The following CNOT6 variants were observed in gnomAD, a reference collection of about 807,000 sequenced individuals.
CNOT6 encodes CCR4-NOT transcription complex subunit 6.
In CNOT6, 12 loss-of-function variants were observed where a neutral mutation model predicts 61.2. The ratio of observed to expected loss-of-function variants is 0.20; its 90% CI spans 0.13 to 0.32. CNOT6 has a LOEUF of 0.32. Among genes scored for constraint, CNOT6 ranks in the 10% least tolerant of loss-of-function variants. CNOT6 has a pLI of 1.00. For synonymous variants in CNOT6, 225 were observed against 240.6 expected (o/e 0.94, Z 0.60); for missense variants, 405 against 663.9 (o/e 0.61, Z 4.28).
intron 2 of CNOT6, among the ~76,000 whole-genome samples, chr5:180,530,798 G>C (rs1284411674): frequency 6.6e-6 from 1 of 152,156 alleles, no homozygotes; most frequent in African/African-American, 2.4e-5. Context: ...TCAAGCATCT[G>C]TTTAACAAAG....
Position 180,550,170 on chromosome 5 carries a change from A to G in CNOT6, c.299+53A>G, listed in dbSNP as rs556028211. On this transcript the variant is annotated intron_variant, in intron 3 of 11. Coordinates refer to ENST00000261951, the MANE Select transcript of CNOT6 (RefSeq NM_001370472.1). ...AGCTATATGACCCCTAAAACAAAAT[A>G]TAGGCCGGGCGCAGTGGCTTATGCC... is the stretch of plus-strand genomic sequence containing the variant. The G allele has an allele frequency of 2.8e-6, 4 of 1,435,800 alleles. No homozygotes were observed. In the African/African-American group the frequency reaches 4.2e-5, roughly 15 times the overall value. 88.9% of individuals were successfully genotyped at this position (1,435,800 alleles called of 1,614,324 possible).
rs1329562068 is a variant in CNOT6, at chr5:180,553,407, C to T, written c.321C>T (p.Asn107=). Residue 107 remains asparagine, a synonymous_variant, in exon 4 of 12, where the codon AAC becomes AAT. Transcript: ENST00000261951. ...ACAGGGAGCTCCATTTAAATAACAA[C>T]CTGTTACGAGTTCTACCTTTTGAGC... ...VSLRELHLNN[N]LLRVLPFELG... 1.2e-6 allele frequency: 2 copies of T among 1,613,602 alleles called. No individual in the cohort carries two copies. The highest frequency in any genetic ancestry group is 1.3e-5 in the African/African-American group (1 of 74,910).
At chr5:180,544,050 A>G (rs1240532483) in intron 2 of CNOT6, among the ~76,000 whole-genome samples, 3 of 152,036 alleles carry the variant, frequency 2.0e-5, no homozygotes, top group East Asian at 1.9e-4. Context: ...TGACCTCGTG[A>G]TCCACCCGCC....
intron 7 of CNOT6, among the ~76,000 whole-genome samples, chr5:180,566,640 C>CTTTTTTTTT (rs70973940): frequency 4.0e-5 from 3 of 75,592 alleles, no homozygotes; most frequent in Non-Finnish European, 4.8e-5. Context: ...AAAGATGTTA[C>CTTTTTTTTT]TTTTTTTTTT....
intron 1 of CNOT6, among the ~76,000 whole-genome samples, chr5:180,514,105 G>T (rs1467543295): frequency 2.6e-5 from 4 of 152,140 alleles, no homozygotes; most frequent in African/African-American, 9.6e-5. Flanking sequence ...TGGGATTACA[G>T]GTTTGAGCCA....
intron 1 of CNOT6, among the ~76,000 whole-genome samples, chr5:180,510,286 T>C (rs1757333269): frequency 6.6e-6 from 1 of 151,800 alleles, no homozygotes; most frequent in Non-Finnish European, 1.5e-5. Context: ...TACCTCAGCC[T>C]TCCGAGTAGC....
intron 1 of CNOT6, among the ~76,000 whole-genome samples, chr5:180,505,375 C>T (rs1757086811): frequency 7.1e-6 from 1 of 140,342 alleles, no homozygotes; most frequent in Non-Finnish European, 1.5e-5. Flanking sequence ...CCTGCCTCAG[C>T]CTCCCGAGTA....
At position 180,576,093 on chromosome 5, in the gene CNOT6, A is replaced by T. The variant is rs2127772558; in HGVS notation, c.*1893A>T. ...CCAGTTTATAATCAGTACATTGGAA[A>T]GCTGGTATTGATGTAGAACCAGTGC... On this transcript the variant is annotated 3_prime_UTR_variant, in exon 12 of 12. Transcript: ENST00000261951. 6.6e-6 allele frequency: 1 copy of T among 152,602 alleles called. No individual in the cohort carries two copies. The highest frequency in any genetic ancestry group is 2.1e-4 in the South Asian group (1 of 4,816). The allele number at this position is 152,602 out of a possible 1,614,324, so 9.5% of individuals were successfully genotyped here.
chr5:180,569,171 T>C lies in CNOT6; in HGVS notation c.1089T>C (p.His363=), dbSNP rs202095631. 137 of 1,614,148 alleles carry C rather than the reference T, an allele frequency of 8.5e-5. 2 individuals are homozygous for C. The South Asian group carries it at 1.4e-3, about 16-fold the overall frequency. The change falls in exon 10 of 12, where the codon CAT becomes CAC. Residue 363 remains histidine (H), a synonymous_variant. Transcript: ENST00000261951. ...QLILVANAHM[H]WDPEYSDVKL... is the part of the protein sequence containing the mutation. ...TTCTTGTGGCTAACGCCCACATGCA[T>C]TGGGACCCTGAATACTCTGATGTGA... is the stretch of plus-strand genomic sequence containing the variant.
At chr5:180,498,329 A>T (rs545956426) in intron 1 of CNOT6, among the ~76,000 whole-genome samples, 1 of 152,238 alleles carries the variant, frequency 6.6e-6, no homozygotes, top group South Asian at 2.1e-4. Flanking sequence ...AAGACAAATA[A>T]TACTCCGATT....
chr5:180,497,544 C>G (rs1756669083), intron 1 of CNOT6, among the ~76,000 whole-genome samples: 1 of 152,050 alleles, frequency 6.6e-6, no homozygotes, highest in South Asian at 2.1e-4. Context: ...CCTTTAGAAC[C>G]CATTCCCATA....
intron 1 of CNOT6, among the ~76,000 whole-genome samples, chr5:180,515,254 T>TA (rs1420774289): frequency 7.1e-6 from 1 of 140,356 alleles, no homozygotes; most frequent in African/African-American, 2.7e-5. Flanking sequence ...CTCCCATCTC[T>TA]ACAAAAAAAA....
chr5:180,517,674 G>A (rs1367776955), intron 1 of CNOT6, among the ~76,000 whole-genome samples: 1 of 152,100 alleles, frequency 6.6e-6, no homozygotes, highest in Non-Finnish European at 1.5e-5. Context: ...CTCCTGAGTA[G>A]CTGGGACTAC....
intron 2 of CNOT6, among the ~76,000 whole-genome samples, chr5:180,549,522 T>C (rs565366832): frequency 4.4e-4 from 67 of 151,898 alleles, no homozygotes; most frequent in South Asian, 1.9e-3. Flanking sequence ...TGGTGGCGGG[T>C]GCCTGTAATC....
intron 4 of CNOT6, among the ~76,000 whole-genome samples, chr5:180,556,120 C>T (rs1165228443): frequency 6.6e-6 from 1 of 152,184 alleles, no homozygotes; most frequent in Non-Finnish European, 1.5e-5. Flanking sequence ...TTCACGTTAT[C>T]GTACATAGAA....
At chr5:180,541,720 G>A (rs1174321480) in intron 2 of CNOT6, among the ~76,000 whole-genome samples, 2 of 151,636 alleles carry the variant, frequency 1.3e-5, no homozygotes, top group African/African-American at 2.4e-5. Context: ...TCAAAGTGCT[G>A]GGATTACAGG....
intron 4 of CNOT6, among the ~76,000 whole-genome samples, chr5:180,563,278 C>T (rs1407383986): frequency 2.7e-5 from 4 of 150,756 alleles, no homozygotes; most frequent in Non-Finnish European, 5.9e-5. Flanking sequence ...TGCAGTGGCG[C>T]GATCTTGGCT....
intron 2 of CNOT6, among the ~76,000 whole-genome samples, chr5:180,547,511 C>T (rs1293338780): frequency 1.3e-5 from 2 of 151,914 alleles, no homozygotes; most frequent in South Asian, 2.1e-4. Context: ...CAGAGCGAGA[C>T]TCCATGAAAA....
intron 5 of CNOT6, 35 bp from the exon 6 acceptor site, chr5:180,564,640 A>C: frequency 6.2e-7 from 1 of 1,608,646 alleles, no homozygotes; most frequent in Non-Finnish European, 8.5e-7. Context: ...GACGTGTAAG[A>C]ATATTGCTTA....
Sources: allele counts gnomAD v4.1 joint callset (sites outside exome capture counted in the v4.1 genomes callset), GRCh38; gene constraint gnomAD v4.1.1; transcripts MANE v1.5; gene names NCBI Gene and HGNC (gene_info 2026-07-23, HGNC 2026-07-21).